The following ARHGEF6 variants were observed in gnomAD, a reference collection of about 807,000 sequenced individuals.
ARHGEF6 encodes the protein Rac/Cdc42 guanine nucleotide exchange factor 6.
Under a neutral mutation model 70.3 loss-of-function variants are expected in ARHGEF6, and 9 were observed. The ratio of observed to expected loss-of-function variants is 0.13; its 90% confidence interval spans 0.08 to 0.22. ARHGEF6 has a LOEUF of 0.22. ARHGEF6 is among the 10% of genes least tolerant of loss of function. ARHGEF6 has a pLI of 1.00. For synonymous variants in ARHGEF6, 201 were observed against 207.8 expected, an observed-to-expected ratio of 0.97 and a Z score of 0.28; for missense variants, 470 against 563.0, an observed-to-expected ratio of 0.83 and a Z score of 1.67.
chrX:136,738,421 T>A (rs28515995), intron 5 of ARHGEF6, among the ~76,000 whole-genome samples: 1,339 of 111,475 alleles, frequency 0.012, 23 homozygotes, highest in African/African-American at 0.042. Flanking sequence ...TTCAGCACAC[T>A]TCAAATATTT....
intron 7 of ARHGEF6, among the ~76,000 whole-genome samples, chrX:136,710,330 C>CAT (rs59532724): frequency 0.057 from 4,959 of 87,448 alleles, 199 homozygotes; most frequent in African/African-American, 0.13. Context: ...ATATATTATA[C>CAT]ATATATATAT....
chrX:136,736,760 TC>T (rs2076990206), intron 5 of ARHGEF6, among the ~76,000 whole-genome samples: 1 of 110,654 alleles, frequency 9.0e-6, no homozygotes, highest in Non-Finnish European at 1.9e-5. Flanking sequence ...GAAAAAGCTA[TC>T]CCCAGAGCTT....
At chrX:136,741,820 T>G (rs1039072396) in intron 5 of ARHGEF6, among the ~76,000 whole-genome samples, 1 of 111,686 alleles carries the variant, frequency 9.0e-6, no homozygotes, top group Non-Finnish European at 1.9e-5. Context: ...CTTGATGAAA[T>G]TGATGGAATG....
Position 136,780,906 on chromosome X carries a change from C to T in ARHGEF6, c.-24G>A. The T allele has an allele frequency of 8.3e-7, 1 of 1,211,282 alleles. No homozygotes were observed. Among genetic ancestry groups the T allele is most frequent in the Non-Finnish European group, 1.1e-6 (1 of 895,355 alleles). ...ATTACTGAGGACGGTACACTCCAAA[C>T]AGCACTCTGGGGCAGCTGCAAGGAC... On this transcript the variant is annotated 5_prime_UTR_variant, in exon 1 of 22. Transcript: ENST00000250617.
In ARHGEF6 at chrX:136,669,486, T is replaced by C. The variant is rs751747540; in HGVS notation, c.2186A>G (p.Lys729Arg). The C allele has an allele frequency of 1.7e-6, 2 of 1,207,140 alleles. No individual in the cohort carries two copies. The highest frequency in any genetic ancestry group is 2.3e-4 in the Middle Eastern group (1 of 4,339). The change falls in exon 21 of 22, where the codon AAG becomes AGG. Residue 729 changes from lysine (K) to arginine (R), a missense_variant. Lys to Arg is a conservative substitution (Grantham distance 26). Transcript: ENST00000250617. ...YALKDEVRELKQENKRMKQCL... is the reference protein window; with the variant it reads ...YALKDEVRELRQENKRMKQCL... ...AATGATTTTATATTTTATTACCTGC[T>C]TCAGTTCTCTGACCTCGTCCTTCAA...
intron 18 of ARHGEF6, 72 bp from the exon 19 acceptor site, chrX:136,675,168 C>T (rs2076266938): frequency 2.1e-6 from 2 of 931,171 alleles, no homozygotes. Flanking sequence ...GCAGCACACT[C>T]CACTGCCTGG....
intron 5 of ARHGEF6, among the ~76,000 whole-genome samples, chrX:136,738,177 C>T (rs186817051): frequency 1.4e-4 from 15 of 111,098 alleles, no homozygotes; most frequent in African/African-American, 4.9e-4. Flanking sequence ...TATACTTCAT[C>T]GTCCACTGAC....
chrX:136,673,264 G>A (rs1050764410), intron 19 of ARHGEF6, among the ~76,000 whole-genome samples: 18 of 111,519 alleles, frequency 1.6e-4, no homozygotes, highest in Non-Finnish European at 2.4e-4. Context: ...GGGGGTCCTG[G>A]AGCCAATCCC....
intron 7 of ARHGEF6, among the ~76,000 whole-genome samples, chrX:136,712,411 G>A (rs914227535): frequency 2.7e-5 from 3 of 112,137 alleles, no homozygotes; most frequent in Admixed American, 9.4e-5. Flanking sequence ...CATCACACCC[G>A]GCCAAATTTC....
chrX:136,733,796 G>A (rs1292525030), intron 5 of ARHGEF6, among the ~76,000 whole-genome samples: 1 of 112,253 alleles, frequency 8.9e-6, no homozygotes, highest in African/African-American at 3.2e-5. Flanking sequence ...AAATGGCAGA[G>A]CCAAGATTGA....
rs775098750 is a variant in ARHGEF6 at position 136,679,635 on chromosome X, C to T, written c.1730G>A (p.Arg577Gln). Residue 577 changes from arginine to glutamine, a missense_variant, in exon 16 of 22, where the codon CGA (arginine) becomes CAA (glutamine). Arg to Gln is a conservative substitution (Grantham distance 43, BLOSUM62 1). This residue lies in a region of ARHGEF6 where 379 missense variants were observed against 449.3 expected (regional missense o/e 0.84). Transcript: ENST00000250617. ...HSSFSSTGQP[R>Q]GPLEPPQIIK... is the part of the protein sequence containing the mutation. Reference sequence around the variant, plus strand: ...AATTTGAGGAGGCTCCAAGGGTCCTCGGGGCTGTCCGGTAGAGCTAAAAGA... The same window carrying T: ...AATTTGAGGAGGCTCCAAGGGTCCTTGGGGCTGTCCGGTAGAGCTAAAAGA... 1.6e-5 allele frequency: 19 copies of T among 1,209,766 alleles called. No individual in the cohort carries two copies. Among genetic ancestry groups the T allele is most frequent in the Non-Finnish European group, 2.0e-5 (18 of 894,975 alleles).
At chrX:136,707,070 A>C in intron 8 of ARHGEF6, 40 bp from the exon 9 acceptor site, 1 of 1,200,262 alleles carries the variant, frequency 8.3e-7, no homozygotes, top group Non-Finnish European at 1.1e-6. Context: ...GTAAAATAGG[A>C]AACAGGAGGC....
chrX:136,774,660 A>AAG (rs2077389674), intron 2 of ARHGEF6, among the ~76,000 whole-genome samples: 2 of 109,422 alleles, frequency 1.8e-5, no homozygotes, highest in African/African-American at 6.6e-5. Context: ...CAAAAAAAAA[A>AAG]AAAAAAAGGA....
chrX:136,769,210 G>C (rs191838310), intron 2 of ARHGEF6, among the ~76,000 whole-genome samples: 1 of 110,954 alleles, frequency 9.0e-6, no homozygotes, highest in Admixed American at 9.6e-5. Context: ...TCAGGAATTC[G>C]AGACCAGCCT....
intron 6 of ARHGEF6, among the ~76,000 whole-genome samples, chrX:136,714,922 A>C (rs73563519): frequency 0.023 from 2,546 of 112,034 alleles, 78 homozygotes; most frequent in African/African-American, 0.078. Context: ...AAGGGTTAAA[A>C]AAGGGTTTCT....
chrX:136,687,871 A>T, intron 11 of ARHGEF6, 61 bp downstream of exon 11: 1 of 977,291 alleles, frequency 1.0e-6, no homozygotes, highest in Non-Finnish European at 1.5e-6. Context: ...TTACACACAA[A>T]TCGCTCTTTC....
chrX:136,689,266 T>A (rs1256422134), intron 10 of ARHGEF6, among the ~76,000 whole-genome samples: 1 of 111,661 alleles, frequency 9.0e-6, no homozygotes, highest in South Asian at 3.8e-4. Context: ...TATTTTCTGA[T>A]GATGGGAAAT....
chrX:136,715,493 G>A (rs1401894697), intron 6 of ARHGEF6, among the ~76,000 whole-genome samples: 1 of 111,034 alleles, frequency 9.0e-6, no homozygotes, highest in East Asian at 2.8e-4. Flanking sequence ...ATAAACCATC[G>A]TTTTCTCTTA....
chrX:136,737,589 CA>C, intron 5 of ARHGEF6: 1 of 635,545 alleles, frequency 1.6e-6, no homozygotes, highest in Non-Finnish European at 1.9e-6. Context: ...CACGGTGGCT[CA>C]CCTCTGTAAT....
Sources: allele counts gnomAD v4.1 joint callset (sites outside exome capture counted in the v4.1 genomes callset), GRCh38; gene constraint gnomAD v4.1.1; regional missense constraint gnomAD v4.1.1; transcripts MANE v1.5; gene names NCBI Gene and HGNC (gene_info 2026-07-23, HGNC 2026-07-21).